DTNBP1: variants seen among roughly 807,000 people sequenced by gnomAD.
DTNBP1 encodes dysbindin.
Under a neutral mutation model 42.8 loss-of-function variants are expected in DTNBP1, and 35 were observed. That is an observed-to-expected ratio of 0.82 (90% confidence interval 0.63 to 1.09). DTNBP1 has a LOEUF of 1.09. Ranked by LOEUF, DTNBP1 falls within the 50% of genes least tolerant of loss-of-function variation. The probability of loss-of-function intolerance (pLI) is 0.00; values close to 1 mark genes in which losing one functional copy is unlikely to be tolerated. For missense variants in DTNBP1, 457 were observed against 424.2 expected (o/e 1.08, Z -0.68); for synonymous variants, 171 against 162.2 (o/e 1.05, Z -0.41).
chr6:15,524,235 A>G, intron 9 of DTNBP1: 1 of 1,565,270 alleles, frequency 6.4e-7, no homozygotes, highest in Non-Finnish European at 8.6e-7. Context: ...GAGCAGACTC[A>G]AATGGATTTC....
chr6:15,553,969 C>T lies in DTNBP1; in HGVS notation c.512-20574G>A, dbSNP rs180758976. On this transcript the variant is annotated intron_variant, in intron 7 of 9. Coordinates refer to ENST00000344537, the MANE Select transcript of DTNBP1 (RefSeq NM_032122.5). The stretch of plus-strand genomic sequence containing the variant: ...GGACACAAGATCCTCATGTGAGAGA[C>T]GCCAACCCTACACATGGAGAGAAAG... 6.6e-4 allele frequency among the ~76,000 whole-genome samples: 101 copies of T among 152,180 alleles called. 1 individual carries two copies. Among genetic ancestry groups the T allele is most frequent in the Admixed American group, 1.6e-3 (25 of 15,294 alleles).
At chr6:15,660,985 T>C (rs993339457) in intron 1 of DTNBP1, among the ~76,000 whole-genome samples, 2 of 152,100 alleles carry the variant, frequency 1.3e-5, no homozygotes, top group Non-Finnish European at 2.9e-5. Context: ...TTTTACTAAA[T>C]AGGGAGAACA....
At chr6:15,660,154 TATG>T (rs777233683) in intron 1 of DTNBP1, among the ~76,000 whole-genome samples, 11 of 152,238 alleles carry the variant, frequency 7.2e-5, no homozygotes, top group Non-Finnish European at 1.3e-4. Context: ...TTTTATTATC[TATG>T]ATATCAGCAT....
At chr6:15,632,645 A>T (rs1271951906) in intron 4 of DTNBP1, among the ~76,000 whole-genome samples, 2 of 152,216 alleles carry the variant, frequency 1.3e-5, no homozygotes, top group Middle Eastern at 3.2e-3. Flanking sequence ...CAGGACAAAG[A>T]AGCTGTCTTC....
intron 9 of DTNBP1, 144 bp from the exon 10 acceptor site, chr6:15,523,363 C>G: frequency 1.5e-6 from 2 of 1,338,740 alleles, no homozygotes; most frequent in East Asian, 2.5e-5. Context: ...AACTTGGGAA[C>G]TGCCCTGGAA....
chr6:15,533,090 G>A, intron 8 of DTNBP1, 150 bp downstream of exon 8: 1 of 1,181,762 alleles, frequency 8.5e-7, no homozygotes, highest in Non-Finnish European at 1.2e-6. Context: ...AGAGAGAGGT[G>A]GCCCGACGCA....
At chr6:15,533,179 G>A (rs529662568) in intron 8 of DTNBP1, 61 bp downstream of exon 8, 188 of 1,605,266 alleles carry the variant, frequency 1.2e-4, no homozygotes, top group South Asian at 1.5e-4. Context: ...GGGGAGAGGG[G>A]TCCATCGCCA....
At chr6:15,547,058 G>C (rs1373786197) in intron 7 of DTNBP1, among the ~76,000 whole-genome samples, 1 of 151,600 alleles carries the variant, frequency 6.6e-6, no homozygotes, top group Non-Finnish European at 1.5e-5. Context: ...TTTAACTATG[G>C]AATTGGCCTA....
At chr6:15,585,065 AT>A (rs2113595268) in intron 7 of DTNBP1, among the ~76,000 whole-genome samples, 1 of 346 alleles carries the variant, frequency 2.9e-3, no homozygotes, top group Admixed American at 0.036. Flanking sequence ...TATGAAAAGA[AT>A]ATATATATAT....
At chr6:15,590,422 G>A (rs1011435151) in intron 7 of DTNBP1, among the ~76,000 whole-genome samples, 1 of 151,902 alleles carries the variant, frequency 6.6e-6, no homozygotes, top group East Asian at 1.9e-4. Context: ...TTGTCACTAC[G>A]TTGCCTTAGT....
chr6:15,541,117 T>C (rs909363701), intron 7 of DTNBP1, among the ~76,000 whole-genome samples: 6 of 152,148 alleles, frequency 3.9e-5, no homozygotes, highest in African/African-American at 7.2e-5. Flanking sequence ...GGACCGAGTA[T>C]AGTTGCACCA....
At chr6:15,637,921 G>C in intron 3 of DTNBP1, 117 bp from the exon 4 acceptor site, 3 of 1,110,940 alleles carry the variant, frequency 2.7e-6, no homozygotes, top group Admixed American at 3.8e-5. Flanking sequence ...AAAAATAATG[G>C]GGACATGTTG....
intron 7 of DTNBP1, chr6:15,586,039 A>G (rs1297854322): frequency 1.7e-6 from 2 of 1,168,774 alleles, no homozygotes; most frequent in Non-Finnish European, 2.1e-6. Context: ...GTCTGGGACC[A>G]TACCAAATGC....
chr6:15,615,482 G>A, intron 5 of DTNBP1, 83 bp from the exon 6 acceptor site: 1 of 1,548,754 alleles, frequency 6.5e-7, no homozygotes, highest in East Asian at 2.3e-5. Context: ...AAAGGTAAAA[G>A]TTCACATTGT....
At chr6:15,608,721 T>C (rs1042000702) in intron 6 of DTNBP1, among the ~76,000 whole-genome samples, 2 of 152,240 alleles carry the variant, frequency 1.3e-5, no homozygotes, top group African/African-American at 4.8e-5. Context: ...TCCTCATGCT[T>C]GATGAAAATT....
chr6:15,576,541 C>T (rs1775580592), intron 7 of DTNBP1, among the ~76,000 whole-genome samples: 2 of 151,656 alleles, frequency 1.3e-5, no homozygotes, highest in African/African-American at 4.8e-5. Context: ...TTTGGGAGGC[C>T]AAAGTGGGGA....
intron 4 of DTNBP1, 138 bp from the exon 5 acceptor site, chr6:15,627,613 GA>G (rs1759426449): frequency 4.6e-6 from 6 of 1,307,752 alleles, no homozygotes; most frequent in Non-Finnish European, 5.1e-6. Flanking sequence ...AAAAGAGACT[GA>G]AGTTGTTTTC....
rs1281987062 is a variant in DTNBP1 at position 15,542,444 on chromosome 6, T to G, written c.512-9049A>C. On this transcript the variant is annotated intron_variant, in intron 7 of 9. Transcript: ENST00000344537. ...TGGAGTGCAGTGGTACGATTTTGGC[T>G]CACTGCAATCTCGGCCTCCCTGGTT... Among the ~76,000 whole-genome samples, 8 of 152,294 alleles carry G rather than the reference T, an allele frequency of 5.3e-5. No homozygotes were observed. In the South Asian group the frequency reaches 6.2e-4, roughly 12 times the overall value.
intron 6 of DTNBP1, among the ~76,000 whole-genome samples, chr6:15,606,565 G>A (rs1357716819): frequency 6.6e-6 from 1 of 152,124 alleles, no homozygotes; most frequent in Non-Finnish European, 1.5e-5. Context: ...GGAGCTGAAT[G>A]AGAAAAGCCA....
Sources: gnomAD v4.1 joint callset for allele counts (sites outside exome capture counted in the v4.1 genomes callset) on GRCh38, gnomAD v4.1.1 for gene constraint, MANE v1.5 for transcripts, NCBI Gene and HGNC (gene_info 2026-07-23, HGNC 2026-07-21) for gene names.